Variants in KCNIP4 observed in about 807,000 individuals in gnomAD.
KCNIP4 encodes the protein Kv channel-interacting protein 4.
A neutral mutation model predicts 34.0 loss-of-function variants in KCNIP4; 12 were observed. The ratio of observed to expected loss-of-function variants is 0.35; its 90% confidence interval spans 0.23 to 0.57. The LOEUF (loss-of-function observed/expected upper bound fraction) is 0.57. Among genes scored for constraint, KCNIP4 ranks in the 20% least tolerant of loss-of-function variants. KCNIP4 has a pLI of 0.83. For synonymous variants in KCNIP4, 124 were observed against 102.2 expected (o/e 1.21, Z -1.29); for missense variants, 238 against 311.7 (o/e 0.76, Z 1.78).
intron 1 of KCNIP4, among the ~76,000 whole-genome samples, chr4:21,442,438 C>T (rs1727569480): frequency 6.6e-6 from 1 of 152,148 alleles, no homozygotes; most frequent in Non-Finnish European, 1.5e-5. Flanking sequence ...AATTCATCTC[C>T]TCATATTCTA....
chr4:21,345,085 A>G (rs1446740968), intron 1 of KCNIP4, among the ~76,000 whole-genome samples: 1 of 152,192 alleles, frequency 6.6e-6, no homozygotes, highest in Non-Finnish European at 1.5e-5. Flanking sequence ...AGAATAATGC[A>G]GAAGTGATGG....
At chr4:20,780,547 C>T (rs1207904245) in intron 3 of KCNIP4, among the ~76,000 whole-genome samples, 1 of 152,158 alleles carries the variant, frequency 6.6e-6, no homozygotes, top group Non-Finnish European at 1.5e-5. Flanking sequence ...AGACAATTTT[C>T]TTACTTCAGG....
chr4:21,365,529 T>TAAA (rs1289110186), intron 1 of KCNIP4, among the ~76,000 whole-genome samples: 55 of 39,382 alleles, frequency 1.4e-3, no homozygotes, highest in Middle Eastern at 8.6e-3. Flanking sequence ...AAATAAAAAA[T>TAAA]AAAGAAAGAA....
intron 1 of KCNIP4, among the ~76,000 whole-genome samples, chr4:21,730,975 G>T (rs563144912): frequency 1.3e-5 from 2 of 151,984 alleles, no homozygotes; most frequent in African/African-American, 4.8e-5. Context: ...TTAGCCAGAC[G>T]TGGTGGTACA....
At chr4:21,587,499 T>A (rs1181944233) in intron 1 of KCNIP4, among the ~76,000 whole-genome samples, 7 of 151,994 alleles carry the variant, frequency 4.6e-5, no homozygotes, top group African/African-American at 1.7e-4. Flanking sequence ...CAGATCCAGC[T>A]GAGTAAATGA....
intron 1 of KCNIP4, among the ~76,000 whole-genome samples, chr4:21,129,048 A>G (rs1577742862): frequency 6.6e-6 from 1 of 152,288 alleles, no homozygotes; most frequent in East Asian, 1.9e-4. Flanking sequence ...CCAGGTGTCA[A>G]GGGCAGGGTC....
chr4:21,941,395 A>C (rs1730196710), intron 1 of KCNIP4, among the ~76,000 whole-genome samples: 1 of 152,114 alleles, frequency 6.6e-6, no homozygotes, highest in Admixed American at 6.5e-5. Context: ...TTCTTAAATA[A>C]ACTGCTTCAC....
At chr4:21,027,656 A>C (rs1356089041) in intron 1 of KCNIP4, among the ~76,000 whole-genome samples, 1 of 151,326 alleles carries the variant, frequency 6.6e-6, no homozygotes, top group South Asian at 2.1e-4. Context: ...CCCATTGCTG[A>C]ATAAGACTTC....
At chr4:21,263,968 C>CGTGTGTGTGTGT (rs375296925) in intron 1 of KCNIP4, among the ~76,000 whole-genome samples, 2 of 148,228 alleles carry the variant, frequency 1.3e-5, no homozygotes, top group East Asian at 4.0e-4. Flanking sequence ...TATATATATA[C>CGTGTGTGTGTGT]GTGTGTGTGT....
chr4:21,661,074 G>A (rs1292745463), intron 1 of KCNIP4, among the ~76,000 whole-genome samples: 1 of 152,158 alleles, frequency 6.6e-6, no homozygotes, highest in Non-Finnish European at 1.5e-5. Context: ...AGCAGAGAAG[G>A]AAAGAAGAGA....
intron 1 of KCNIP4, among the ~76,000 whole-genome samples, chr4:21,730,959 A>C (rs1291176574): frequency 6.6e-6 from 1 of 152,038 alleles, no homozygotes; most frequent in Non-Finnish European, 1.5e-5. Flanking sequence ...TAAAAAATAC[A>C]AAAAATTAGC....
intron 1 of KCNIP4, chr4:21,697,351 T>G (rs1397985352): frequency 1.3e-6 from 2 of 1,500,306 alleles, no homozygotes; most frequent in Non-Finnish European, 1.8e-6. Flanking sequence ...AGTCATTACC[T>G]GTATGAAGAG....
At chr4:21,292,457 G>A (rs532573156) in intron 1 of KCNIP4, among the ~76,000 whole-genome samples, 4 of 151,824 alleles carry the variant, frequency 2.6e-5, no homozygotes, top group East Asian at 1.9e-4. Flanking sequence ...CTTTGAACAC[G>A]TCTGTAAGAA....
At chr4:21,881,577 T>C (rs1246120919) in intron 1 of KCNIP4, among the ~76,000 whole-genome samples, 1 of 152,112 alleles carries the variant, frequency 6.6e-6, no homozygotes, top group Non-Finnish European at 1.5e-5. Context: ...AATTGCCTTA[T>C]CAGAACTATA....
intron 1 of KCNIP4, among the ~76,000 whole-genome samples, chr4:21,118,118 G>A (rs147728333): frequency 6.6e-6 from 1 of 152,092 alleles, no homozygotes; most frequent in African/African-American, 2.4e-5. Flanking sequence ...GCGTGATTCA[G>A]TCTGATCATG....
At chr4:21,889,206 A>G (rs1726950034) in intron 1 of KCNIP4, among the ~76,000 whole-genome samples, 1 of 152,136 alleles carries the variant, frequency 6.6e-6, no homozygotes, top group Non-Finnish European at 1.5e-5. Flanking sequence ...CCATGGGTCA[A>G]TGCATGCAAA....
chr4:21,800,803 A>T (rs1159896695), intron 1 of KCNIP4, among the ~76,000 whole-genome samples: 2 of 152,220 alleles, frequency 1.3e-5, no homozygotes, highest in Admixed American at 6.5e-5. Flanking sequence ...GCAGAATATA[A>T]TATACTGCCA....
At chr4:21,062,384 C>T (rs535351926) in intron 1 of KCNIP4, among the ~76,000 whole-genome samples, 2 of 152,170 alleles carry the variant, frequency 1.3e-5, no homozygotes, top group East Asian at 3.9e-4. Flanking sequence ...CAGATTGTGA[C>T]TGTATTTGGA....
chr4:21,909,747 G>A (rs770167301), intron 1 of KCNIP4, among the ~76,000 whole-genome samples: 1 of 152,040 alleles, frequency 6.6e-6, no homozygotes, highest in Non-Finnish European at 1.5e-5. Context: ...AGTTCCAAGT[G>A]GATGGGGAGG....
Sources: gnomAD v4.1 joint callset for allele counts (sites outside exome capture counted in the v4.1 genomes callset) on GRCh38, gnomAD v4.1.1 for gene constraint, MANE v1.5 for transcripts, NCBI Gene and HGNC (gene_info 2026-07-23, HGNC 2026-07-21) for gene names.